The following COL25A1 variants were observed in gnomAD, a reference collection of about 807,000 sequenced individuals.
The protein encoded by COL25A1 is collagen type XXV alpha 1 chain, also known as collagen alpha-1(XXV) chain.
COL25A1 carries 103 observed loss-of-function variants against 128.4 expected under a neutral mutation model. The ratio of observed to expected loss-of-function variants is 0.80; its 90% CI spans 0.68 to 0.94. The LOEUF (loss-of-function observed/expected upper bound fraction) is 0.94. Among genes scored for constraint, COL25A1 ranks in the 40% least tolerant of loss-of-function variants. The pLI, the probability that COL25A1 is intolerant of heterozygous loss-of-function variation, is 0.00. For synonymous variants in COL25A1, 279 were observed against 277.2 expected (o/e 1.01, Z -0.06); for missense variants, 745 against 840.0 (o/e 0.89, Z 1.40).
intron 6 of COL25A1, among the ~76,000 whole-genome samples, chr4:108,986,139 TG>T (rs766949857): frequency 1.3e-4 from 20 of 152,228 alleles, no homozygotes; most frequent in Non-Finnish European, 2.1e-4. Context: ...CCCTTATTCC[TG>T]GATAACTGGA....
At chr4:108,939,837 C>T (rs573619941) in intron 10 of COL25A1, among the ~76,000 whole-genome samples, 1 of 152,202 alleles carries the variant, frequency 6.6e-6, no homozygotes, top group Non-Finnish European at 1.5e-5. Context: ...TGAAATCAAA[C>T]CATTTATCTT....
intron 13 of COL25A1, among the ~76,000 whole-genome samples, chr4:108,916,413 TG>T (rs1309151092): frequency 1.3e-5 from 2 of 152,300 alleles, no homozygotes; most frequent in East Asian, 3.9e-4. Flanking sequence ...ATATTTCCTT[TG>T]CAAAAATAAA....
At chr4:108,886,483 TG>T (rs1412305931) in intron 18 of COL25A1, among the ~76,000 whole-genome samples, 15,210 of 133,892 alleles carry the variant, frequency 0.11, 1,148 homozygotes, top group Non-Finnish European at 0.15. Flanking sequence ...TGTGTGTGTG[TG>T]TGTGTGTGTT....
chr4:108,821,011 A>G (rs933531808), intron 35 of COL25A1, among the ~76,000 whole-genome samples: 1 of 152,208 alleles, frequency 6.6e-6, no homozygotes, highest in Admixed American at 6.5e-5. Flanking sequence ...TATACAATAC[A>G]TACTTAAATA....
At position 108,962,185 on chromosome 4, in the gene COL25A1, C is replaced by CTTTTTTTTTT. The variant is rs201713906; in HGVS notation, c.492+12181_492+12182insAAAAAAAAAA. ...CCACCACCATTTCTCTACCTCGATT[C>CTTTTTTTTTT]TTTTTTTTTCTTTTTTTTTTGAGAC... On this transcript the variant is annotated intron_variant, in intron 8 of 37. Coordinates refer to ENST00000399132, the MANE Select transcript of COL25A1 (RefSeq NM_198721.4). 3.8e-5 allele frequency among the ~76,000 whole-genome samples: 5 copies of CTTTTTTTTTT among 131,956 alleles called. 2 individuals are homozygous for CTTTTTTTTTT. The highest frequency in any genetic ancestry group is 1.7e-5 in the Non-Finnish European group (1 of 59,158). 86.6% of individuals were successfully genotyped at this position (131,956 alleles called of 152,430 possible).
intron 3 of COL25A1, among the ~76,000 whole-genome samples, chr4:109,240,437 G>A (rs10012820): frequency 0.47 from 71,960 of 151,780 alleles, 17,891 homozygotes; most frequent in African/African-American, 0.57. Context: ...TTGTCATGCA[G>A]TGCAAAACTG....
At chr4:108,868,579 A>G (rs1413991408) in intron 20 of COL25A1, among the ~76,000 whole-genome samples, 1 of 149,600 alleles carries the variant, frequency 6.7e-6, no homozygotes, top group Admixed American at 6.7e-5. Context: ...GAGAGAGAGA[A>G]AGAAGGAAGG....
chr4:109,017,107 T>C (rs922197442), intron 5 of COL25A1, among the ~76,000 whole-genome samples: 2 of 152,190 alleles, frequency 1.3e-5, no homozygotes, highest in Non-Finnish European at 2.9e-5. Flanking sequence ...CACCACCACA[T>C]TCCCCTTGTC....
intron 30 of COL25A1, among the ~76,000 whole-genome samples, chr4:108,842,837 C>G (rs1734604796): frequency 6.6e-6 from 1 of 151,952 alleles, no homozygotes; most frequent in Non-Finnish European, 1.5e-5. Flanking sequence ...CTTAATGAAC[C>G]ATCCAGTTTT....
At chr4:108,955,380 C>T (rs1749953811) in intron 8 of COL25A1, among the ~76,000 whole-genome samples, 1 of 151,688 alleles carries the variant, frequency 6.6e-6, no homozygotes, top group African/African-American at 2.4e-5. Flanking sequence ...ACGAATTTGA[C>T]TAAGAAAAAA....
intron 3 of COL25A1, among the ~76,000 whole-genome samples, chr4:109,237,489 A>G (rs1779552969): frequency 6.6e-6 from 1 of 152,058 alleles, no homozygotes; most frequent in Non-Finnish European, 1.5e-5. Flanking sequence ...CCAGGGCAGT[A>G]AAGAGAGAAA....
intron 24 of COL25A1, chr4:108,853,982 T>G (rs1440165183): frequency 1.3e-5 from 2 of 152,222 alleles, no homozygotes; most frequent in African/African-American, 4.8e-5. Flanking sequence ...AACACACATG[T>G]GCATGTATCT....
intron 6 of COL25A1, among the ~76,000 whole-genome samples, chr4:108,988,007 CCT>C (rs1266301162): frequency 1.3e-5 from 2 of 152,080 alleles, no homozygotes; most frequent in Admixed American, 1.3e-4. Flanking sequence ...ATACCAGGGC[CCT>C]TGAGGGTAGG....
chr4:109,030,681 A>C (rs1304786655), intron 5 of COL25A1, among the ~76,000 whole-genome samples: 1 of 152,324 alleles, frequency 6.6e-6, no homozygotes, highest in Middle Eastern at 3.4e-3. Flanking sequence ...CAACATGGAC[A>C]TATTAAAGTC....
chr4:109,217,977 G>T (rs551709631), intron 3 of COL25A1, among the ~76,000 whole-genome samples: 61 of 152,276 alleles, frequency 4.0e-4, no homozygotes, highest in African/African-American at 1.3e-3. Flanking sequence ...TAATCTGTCT[G>T]TATTCCCATA....
At chr4:108,826,553 T>G (rs143986542) in intron 33 of COL25A1, among the ~76,000 whole-genome samples, 93 of 152,112 alleles carry the variant, frequency 6.1e-4, no homozygotes, top group Admixed American at 1.4e-3. Context: ...ATAATAATAA[T>G]AAGAAGAGAA....
At chr4:108,915,076 G>A (rs1249893504) in intron 13 of COL25A1, among the ~76,000 whole-genome samples, 2 of 152,138 alleles carry the variant, frequency 1.3e-5, no homozygotes, top group Non-Finnish European at 2.9e-5. Context: ...ATGTTCTGTA[G>A]CCCTTCATAG....
chr4:109,064,077 G>T (rs1351209549), intron 3 of COL25A1, among the ~76,000 whole-genome samples: 1 of 152,180 alleles, frequency 6.6e-6, no homozygotes, highest in Non-Finnish European at 1.5e-5. Flanking sequence ...AATACAACAG[G>T]TTGAAAGTCA....
chr4:108,822,312 G>A (rs574450666), intron 35 of COL25A1, among the ~76,000 whole-genome samples: 104 of 152,144 alleles, frequency 6.8e-4, no homozygotes, highest in African/African-American at 2.5e-3. Flanking sequence ...CCAAAGTGTT[G>A]GGATTACAGG....
Sources: gnomAD v4.1 joint callset for allele counts (sites outside exome capture counted in the v4.1 genomes callset) on GRCh38, gnomAD v4.1.1 for gene constraint, MANE v1.5 for transcripts, NCBI Gene and HGNC (gene_info 2026-07-23, HGNC 2026-07-21) for gene names.